ANO3: variants seen among roughly 807,000 people sequenced by gnomAD.
ANO3 encodes the protein anoctamin-3.
ANO3 carries 99 observed loss-of-function variants against 144.8 expected under a neutral mutation model. The ratio of observed to expected loss-of-function variants is 0.68; its 90% CI spans 0.58 to 0.81. ANO3 has a LOEUF of 0.81. Ranked by LOEUF, ANO3 falls within the 30% of genes least tolerant of loss-of-function variation. ANO3 has a pLI of 0.00. For synonymous variants in ANO3, 414 were observed against 392.6 expected (o/e 1.05, Z -0.64); for missense variants, 905 against 1,202.2 (o/e 0.75, Z 3.66).
At chr11:26,342,991 A>G (rs1169838843) in intron 1 of ANO3, among the ~76,000 whole-genome samples, 2 of 152,210 alleles carry the variant, frequency 1.3e-5, no homozygotes, top group Non-Finnish European at 2.9e-5. Flanking sequence ...TGCAATGAGA[A>G]TATTTAATAT....
At chr11:26,260,117 C>T (rs1461396) in intron 1 of ANO3, among the ~76,000 whole-genome samples, 2 of 150,750 alleles carry the variant, frequency 1.3e-5, no homozygotes, top group Admixed American at 1.3e-4. Flanking sequence ...CTGAAACAGG[C>T]CAAGATACCC....
intron 1 of ANO3, among the ~76,000 whole-genome samples, chr11:26,425,573 C>T (rs1331970639): frequency 1.3e-5 from 2 of 151,966 alleles, no homozygotes; most frequent in Non-Finnish European, 2.9e-5. Flanking sequence ...TTTATTCCTG[C>T]TCACACTTAT....
chr11:26,299,866 G>A (rs997493867), intron 1 of ANO3, among the ~76,000 whole-genome samples: 1 of 152,154 alleles, frequency 6.6e-6, no homozygotes, highest in Non-Finnish European at 1.5e-5. Flanking sequence ...GCCAATAAGT[G>A]GGTGGGAGCT....
At position 26,214,881 on chromosome 11, in the gene ANO3, C is replaced by A. The variant is rs576459816; in HGVS notation, c.154+25551C>A. On this transcript the variant is annotated intron_variant, in intron 1 of 27. Transcript: ENST00000672621. ...TGGCCTTAACAGGTTCACAAGCTTTCCTAGTTTTAGATTACCTTAACAGTT... is the reference window on the plus strand; with the variant it reads ...TGGCCTTAACAGGTTCACAAGCTTTACTAGTTTTAGATTACCTTAACAGTT... 7.9e-5 allele frequency among the ~76,000 whole-genome samples: 12 copies of A among 151,976 alleles called. 1 individual carries two copies. In the South Asian group the frequency reaches 2.5e-3, roughly 32 times the overall value.
At chr11:26,659,079 T>TACACACAC (rs145583088) in intron 26 of ANO3, among the ~76,000 whole-genome samples, 23,601 of 147,494 alleles carry the variant, frequency 0.16, 1,912 homozygotes, top group Middle Eastern at 0.28. Context: ...CCTTGAGCCA[T>TACACACAC]ACACACACAC....
chr11:26,596,444 G>C (rs1166675374), intron 14 of ANO3, among the ~76,000 whole-genome samples: 1 of 152,110 alleles, frequency 6.6e-6, no homozygotes, highest in Non-Finnish European at 1.5e-5. Flanking sequence ...AAAGTACTGG[G>C]TTATCAATTC....
chr11:26,505,407 T>G (rs1051556674), intron 4 of ANO3, among the ~76,000 whole-genome samples: 3 of 152,168 alleles, frequency 2.0e-5, no homozygotes, highest in African/African-American at 7.2e-5. Flanking sequence ...AGAAGGCAGT[T>G]GGATATACAA....
At chr11:26,234,321 A>C (rs950021508) in intron 1 of ANO3, among the ~76,000 whole-genome samples, 1 of 152,152 alleles carries the variant, frequency 6.6e-6, no homozygotes, top group African/African-American at 2.4e-5. Flanking sequence ...TGTGGTACCC[A>C]TATTGCTTTT....
intron 1 of ANO3, among the ~76,000 whole-genome samples, chr11:26,424,169 T>G (rs1348393690): frequency 2.0e-5 from 3 of 151,808 alleles, no homozygotes; most frequent in Non-Finnish European, 4.4e-5. Context: ...CAAATAGATT[T>G]TTTTTACTCT....
intron 11 of ANO3, among the ~76,000 whole-genome samples, chr11:26,546,941 A>C (rs12288879): frequency 0.053 from 7,988 of 151,922 alleles, 264 homozygotes; most frequent in Admixed American, 0.095. Flanking sequence ...AGCTTTGTTG[A>C]GGAAGATGTG....
chr11:26,586,146 G>C (rs1851268454), intron 14 of ANO3, among the ~76,000 whole-genome samples: 2 of 152,152 alleles, frequency 1.3e-5, no homozygotes, highest in South Asian at 2.1e-4. Flanking sequence ...GAAGTCTTTG[G>C]GAGCTTTAAA....
At chr11:26,604,731 T>C (rs1851889296) in intron 17 of ANO3, among the ~76,000 whole-genome samples, 1 of 152,132 alleles carries the variant, frequency 6.6e-6, no homozygotes, top group Admixed American at 6.5e-5. Flanking sequence ...TGATGGTATG[T>C]ATAGGAATGC....
chr11:26,219,277 G>T (rs893875936), intron 1 of ANO3, among the ~76,000 whole-genome samples: 1 of 152,142 alleles, frequency 6.6e-6, no homozygotes, highest in Non-Finnish European at 1.5e-5. Flanking sequence ...CATGAGAAAA[G>T]GATATGGTGA....
chr11:26,231,277 C>A (rs1025140719), intron 1 of ANO3, among the ~76,000 whole-genome samples: 9 of 152,156 alleles, frequency 5.9e-5, no homozygotes, highest in African/African-American at 1.9e-4. Flanking sequence ...GGCCTATGGT[C>A]AGGACCATGC....
chr11:26,308,479 A>G (rs1854433568), upstream of ANO3, among the ~76,000 whole-genome samples: 1 of 152,194 alleles, frequency 6.6e-6, no homozygotes, highest in Non-Finnish European at 1.5e-5. Flanking sequence ...AAGCAAGTTT[A>G]TACTCTTATA....
intron 17 of ANO3, among the ~76,000 whole-genome samples, chr11:26,624,076 G>A (rs1290742228): frequency 1.3e-5 from 2 of 152,142 alleles, no homozygotes; most frequent in Non-Finnish European, 2.9e-5. Context: ...GTGAGCCACC[G>A]CGCCCGGCCA....
chr11:26,276,594 G>T (rs1469088207), intron 1 of ANO3, among the ~76,000 whole-genome samples: 2 of 152,120 alleles, frequency 1.3e-5, no homozygotes, highest in Non-Finnish European at 2.9e-5. Flanking sequence ...TACTTCAGCA[G>T]ATTAGCCATG....
At chr11:26,566,811 C>CA (rs5790590) in intron 14 of ANO3, among the ~76,000 whole-genome samples, 112,722 of 151,570 alleles carry the variant, frequency 0.74, 42,156 homozygotes, top group Admixed American at 0.8. Flanking sequence ...GCTTCTGACA[C>CA]AAATAACTCA....
intron 1 of ANO3, among the ~76,000 whole-genome samples, chr11:26,203,257 G>C (rs1851732437): frequency 6.6e-6 from 1 of 152,092 alleles, no homozygotes. Context: ...AGAAAGTACA[G>C]AAATAATATG....
Sources: gnomAD v4.1 joint callset for allele counts (sites outside exome capture counted in the v4.1 genomes callset) on GRCh38, gnomAD v4.1.1 for gene constraint, MANE v1.5 for transcripts, NCBI Gene and HGNC (gene_info 2026-07-23, HGNC 2026-07-21) for gene names.